POU2F2: variants seen among roughly 807,000 people sequenced by gnomAD.
The protein encoded by POU2F2 is POU class 2 homeobox 2, also known as POU domain, class 2, transcription factor 2.
POU2F2 carries 14 observed loss-of-function variants against 63.5 expected under a neutral mutation model. The ratio of observed to expected loss-of-function variants is 0.22; its 90% CI spans 0.15 to 0.34. The LOEUF is 0.34. Among genes scored for constraint, POU2F2 ranks in the 10% least tolerant of loss-of-function variants. The probability of loss-of-function intolerance (pLI) is 1.00; values close to 1 mark genes in which losing one functional copy is unlikely to be tolerated. For missense variants in POU2F2, 607 were observed against 815.2 expected, an observed-to-expected ratio of 0.74 and a Z score of 3.11; for synonymous variants, 306 against 348.6, an observed-to-expected ratio of 0.88 and a Z score of 1.36.
intron 2 of POU2F2, among the ~76,000 whole-genome samples, chr19:42,141,959 A>G (rs567183431): frequency 1.3e-5 from 2 of 152,372 alleles, no homozygotes; most frequent in East Asian, 3.9e-4. Context: ...CAGTTATGAA[A>G]GAGAATGAGA....
At chr19:42,186,833 G>A (rs2035017718) in intron 1 of POU2F2, among the ~76,000 whole-genome samples, 2 of 152,136 alleles carry the variant, frequency 1.3e-5, no homozygotes, top group African/African-American at 4.8e-5. Flanking sequence ...TTCTCACTTG[G>A]ATGCCCGGAT....
chr19:42,096,039 A>T lies in POU2F2; in HGVS notation c.729+43T>A, dbSNP rs779724065. 7 of 1,609,424 alleles carry T rather than the reference A, an allele frequency of 4.3e-6. No homozygotes were observed. In the Admixed American group the frequency reaches 8.4e-5, roughly 19 times the overall value. On this transcript the variant is annotated intron_variant, in intron 8 of 14. Transcript: ENST00000692977. The surrounding 1 kb of genome is among the most constrained non-coding windows in gnomAD (Gnocchi z 4.1). Reference sequence around the variant, plus strand: ...CCCTCGCGGCATCTATCAACTGGCCACGCCCCCACGCCCACCGCCCAGCCT... The same window carrying T: ...CCCTCGCGGCATCTATCAACTGGCCTCGCCCCCACGCCCACCGCCCAGCCT...
chr19:42,127,086 C>T (rs1273158330), intron 1 of POU2F2, among the ~76,000 whole-genome samples: 1 of 151,754 alleles, frequency 6.6e-6, no homozygotes, highest in Non-Finnish European at 1.5e-5. Context: ...CCAGGGACTA[C>T]AGCTGTGCAC....
intron 2 of POU2F2, among the ~76,000 whole-genome samples, chr19:42,138,035 A>G (rs549440879): frequency 4.7e-4 from 72 of 152,282 alleles, no homozygotes; most frequent in African/African-American, 1.7e-3. Context: ...CAAGGTAAGA[A>G]TTTGGGACTT....
chr19:42,150,132 C>T, intron 2 of POU2F2, among the ~76,000 whole-genome samples: 1 of 152,206 alleles, frequency 6.6e-6, no homozygotes, highest in Non-Finnish European at 1.5e-5. Context: ...CAATGCCTCC[C>T]TCAACCTGTG....
intron 7 of POU2F2, among the ~76,000 whole-genome samples, chr19:42,097,111 G>T (rs1273571869): frequency 3.3e-5 from 5 of 151,886 alleles, no homozygotes; most frequent in African/African-American, 1.2e-4. Context: ...GAAGCAGGTG[G>T]TGGGTACAGG....
At chr19:42,097,564 C>T (rs1378251173) in intron 7 of POU2F2, among the ~76,000 whole-genome samples, 3 of 150,862 alleles carry the variant, frequency 2.0e-5, no homozygotes, top group Admixed American at 2.0e-4. Context: ...AATCCCAATA[C>T]TTTAGGAAGC....
At chr19:42,121,133 T>C (rs1000035858) in intron 4 of POU2F2, among the ~76,000 whole-genome samples, 1 of 152,098 alleles carries the variant, frequency 6.6e-6, no homozygotes, top group Non-Finnish European at 1.5e-5. Flanking sequence ...AAAGATCTGA[T>C]TCAACTGAGG....
At position 42,121,352 on chromosome 19, in the gene POU2F2, A is replaced by T. The variant is rs772218477; in HGVS notation, c.186+774T>A. ...ATGGGGGTACACCAGACATGGAGGCAACCACAGAGGCCATCCCATCCGACT... is the reference window on the plus strand; with the variant it reads ...ATGGGGGTACACCAGACATGGAGGCTACCACAGAGGCCATCCCATCCGACT... On this transcript the variant is annotated intron_variant, in intron 4 of 14. Coordinates refer to ENST00000692977, the MANE Select transcript of POU2F2 (RefSeq NM_001394376.1). 9.2e-5 allele frequency among the ~76,000 whole-genome samples: 14 copies of T among 152,272 alleles called. 1 individual carries two copies. The highest frequency in any genetic ancestry group is 2.1e-4 in the Non-Finnish European group (14 of 68,012).
intron 2 of POU2F2, among the ~76,000 whole-genome samples, chr19:42,151,235 G>C (rs908624038): frequency 2.0e-5 from 3 of 152,014 alleles, no homozygotes; most frequent in Admixed American, 1.3e-4. Flanking sequence ...AGGGAGCATC[G>C]GCCTGACACT....
At chr19:42,178,474 T>C (rs1474753167), upstream of POU2F2, among the ~76,000 whole-genome samples, 3 of 151,430 alleles carry the variant, frequency 2.0e-5, no homozygotes, top group Non-Finnish European at 4.4e-5. Flanking sequence ...TAGGAAGACA[T>C]AGAGACAGAG....
At chr19:42,131,900 C>A (rs2033770519) in intron 1 of POU2F2, among the ~76,000 whole-genome samples, 1 of 152,116 alleles carries the variant, frequency 6.6e-6, no homozygotes, top group Non-Finnish European at 1.5e-5. Flanking sequence ...CCTACACTCA[C>A]AAGCACACAG....
chr19:42,119,463 T>C (rs916149820), intron 4 of POU2F2, among the ~76,000 whole-genome samples: 2 of 152,150 alleles, frequency 1.3e-5, no homozygotes, highest in African/African-American at 4.8e-5. Flanking sequence ...ACTTGAGGTC[T>C]GGAGTTCGAG....
upstream of POU2F2, among the ~76,000 whole-genome samples, chr19:42,179,813 G>A (rs1181307840): frequency 3.9e-5 from 6 of 152,146 alleles, no homozygotes; most frequent in Admixed American, 2.0e-4. Flanking sequence ...CCTGTGCAGC[G>A]TGTGCATAAT....
rs1349537467 is a variant in POU2F2, at chr19:42,100,159, T to C, written c.370-338A>G. Among the ~76,000 whole-genome samples the C allele has an allele frequency of 5.8e-5, 8 of 139,060 alleles. 1 individual carries two copies. The highest frequency in any genetic ancestry group is 1.8e-4 in the African/African-American group (7 of 37,842). 91.2% of individuals were successfully genotyped at this position (139,060 alleles called of 152,430 possible). On this transcript the variant is annotated intron_variant, in intron 5 of 14. Coordinates refer to ENST00000692977, the MANE Select transcript of POU2F2 (RefSeq NM_001394376.1). The stretch of plus-strand genomic sequence containing the variant: ...CAGGCTGGAGTGCAGTGGTGTGATC[T>C]CGGCTCACTGAAATCTCCGCCTCCT...
At chr19:42,133,548 C>T (rs549648948), upstream of POU2F2, 2 of 154,684 alleles carry the variant, frequency 1.3e-5, no homozygotes, top group Admixed American at 6.5e-5. This position sits in a 1 kb window ranked among gnomAD's most constrained non-coding sequence, Gnocchi z 5.1. Flanking sequence ...GGGGGGCCCC[C>T]TAAACCACAG....
At chr19:42,157,547 T>G (rs543152747) in intron 2 of POU2F2, 1 of 152,384 alleles carries the variant, frequency 6.6e-6, no homozygotes, top group South Asian at 2.1e-4. Flanking sequence ...GCTCACTTAT[T>G]TATTCATTCA....
chr19:42,121,040 G>A (rs958914181), intron 4 of POU2F2, among the ~76,000 whole-genome samples: 27 of 152,158 alleles, frequency 1.8e-4, no homozygotes, highest in Non-Finnish European at 2.5e-4. Flanking sequence ...AGGCCAGGAA[G>A]GGGAGGGAGA....
upstream of POU2F2, chr19:42,134,550 AC>A (rs1250501474): frequency 6.6e-6 from 1 of 152,478 alleles, no homozygotes; most frequent in Non-Finnish European, 1.5e-5. Flanking sequence ...AGTTTGGAAC[AC>A]ACTGGCAGCT....
Sources: gnomAD v4.1 joint callset for allele counts (sites outside exome capture counted in the v4.1 genomes callset) on GRCh38, gnomAD v4.1.1 for gene constraint, Gnocchi (gnomAD v3.1) non-coding constraint, MANE v1.5 for transcripts, NCBI Gene and HGNC (gene_info 2026-07-23, HGNC 2026-07-21) for gene names.